The following ADAM2 variants were observed in gnomAD, a reference collection of about 807,000 sequenced individuals.
The protein encoded by ADAM2 is disintegrin and metalloproteinase domain-containing protein 2.
In ADAM2, 101 loss-of-function variants were observed where a neutral mutation model predicts 99.3. That is an observed-to-expected ratio of 1.02 (90% CI 0.87 to 1.20). ADAM2 has a LOEUF of 1.20. Ranked by LOEUF, ADAM2 falls within the 50% of genes most tolerant of loss-of-function variation. ADAM2 has a pLI of 0.00. For missense variants in ADAM2, 948 were observed against 878.7 expected, an observed-to-expected ratio of 1.08 and a Z score of -1.00; for synonymous variants, 323 against 287.6, an observed-to-expected ratio of 1.12 and a Z score of -1.25.
rs181164248 is a variant in ADAM2 at position 39,811,555 on chromosome 8, A to G, written c.514-2089T>C. ...AAAATACTGGCAAACCGAATCCAGC[A>G]GCACATCAAAAAGCTTATCCACCAC... On this transcript the variant is annotated intron_variant, in intron 6 of 20. Coordinates refer to ENST00000265708, the MANE Select transcript of ADAM2 (RefSeq NM_001464.5). Among the ~76,000 whole-genome samples the G allele has an allele frequency of 3.9e-3, 598 of 152,346 alleles. 1 individual carries two copies. Among genetic ancestry groups the G allele is most frequent in the Non-Finnish European group, 6.8e-3 (465 of 68,024 alleles).
intron 3 of ADAM2, among the ~76,000 whole-genome samples, chr8:39,829,442 A>G (rs1015570384): frequency 1.3e-5 from 2 of 152,022 alleles, no homozygotes; most frequent in Admixed American, 1.3e-4. Context: ...ATACATATTA[A>G]ATTACTTACA....
intron 19 of ADAM2, among the ~76,000 whole-genome samples, chr8:39,745,748 C>T (rs1823415673): frequency 6.6e-6 from 1 of 151,784 alleles, no homozygotes; most frequent in African/African-American, 2.4e-5. Context: ...TTTCCTACTA[C>T]CTTTCATTAA....
At chr8:39,784,506 C>T (rs1045281520) in intron 10 of ADAM2, among the ~76,000 whole-genome samples, 2 of 152,126 alleles carry the variant, frequency 1.3e-5, no homozygotes, top group Admixed American at 1.3e-4. Context: ...TCAGTTAGGA[C>T]TACAGGGGCC....
At chr8:39,826,015 G>C (rs1380895215) in intron 3 of ADAM2, among the ~76,000 whole-genome samples, 1 of 152,146 alleles carries the variant, frequency 6.6e-6, no homozygotes, top group Non-Finnish European at 1.5e-5. Flanking sequence ...TCCAGTTCAT[G>C]AACATGCTTT....
At chr8:39,787,800 T>G (rs1462286014) in intron 9 of ADAM2, among the ~76,000 whole-genome samples, 1 of 151,704 alleles carries the variant, frequency 6.6e-6, no homozygotes, top group Non-Finnish European at 1.5e-5. Context: ...CAAATAGATA[T>G]TGTGAAAATT....
At chr8:39,752,929 T>C (rs1802004249) in intron 16 of ADAM2, among the ~76,000 whole-genome samples, 1 of 152,140 alleles carries the variant, frequency 6.6e-6, no homozygotes, top group African/African-American at 2.4e-5. Flanking sequence ...GTTTTCTATA[T>C]AAATTACCCA....
At chr8:39,811,966 T>C (rs10105410) in intron 6 of ADAM2, among the ~76,000 whole-genome samples, 15,351 of 152,200 alleles carry the variant, frequency 0.1, 832 homozygotes, top group African/African-American at 0.13. Context: ...CATATTCAAT[T>C]AGGAAGAGGG....
At chr8:39,829,788 C>T (rs924386626) in intron 3 of ADAM2, among the ~76,000 whole-genome samples, 4 of 151,786 alleles carry the variant, frequency 2.6e-5, no homozygotes, top group African/African-American at 9.7e-5. Context: ...GGATGCTATA[C>T]AGTAATAAAA....
chr8:39,753,713 C>T (rs1802043068), intron 16 of ADAM2, among the ~76,000 whole-genome samples: 1 of 152,106 alleles, frequency 6.6e-6, no homozygotes, highest in South Asian at 2.1e-4. Context: ...TACAGCACAG[C>T]CCACAGCTTT....
chr8:39,802,227 G>T (rs1438384057), intron 7 of ADAM2, among the ~76,000 whole-genome samples: 1 of 152,134 alleles, frequency 6.6e-6, no homozygotes, highest in Non-Finnish European at 1.5e-5. Flanking sequence ...GGGGGGAGGG[G>T]ATTCCCCTTC....
chr8:39,782,439 T>A (rs1317052260), intron 10 of ADAM2, among the ~76,000 whole-genome samples: 1 of 152,154 alleles, frequency 6.6e-6, no homozygotes, highest in East Asian at 1.9e-4. Context: ...TAGCCCCTCC[T>A]TTTGTATTAT....
intron 3 of ADAM2, among the ~76,000 whole-genome samples, chr8:39,830,901 CA>C (rs1221403244): frequency 6.6e-6 from 1 of 152,150 alleles, no homozygotes; most frequent in Non-Finnish European, 1.5e-5. Flanking sequence ...GATCAGGCCA[CA>C]AGGCTGGAAC....
At chr8:39,804,796 A>G (rs1804370563) in intron 7 of ADAM2, among the ~76,000 whole-genome samples, 1 of 152,210 alleles carries the variant, frequency 6.6e-6, no homozygotes, top group South Asian at 2.1e-4. Flanking sequence ...TTGGCTTCTG[A>G]ATGCATGGTA....
At chr8:39,801,593 G>A (rs146163775) in intron 7 of ADAM2, among the ~76,000 whole-genome samples, 236 of 152,240 alleles carry the variant, frequency 1.6e-3, no homozygotes, top group African/African-American at 5.4e-3. Context: ...TGGGCTGCTC[G>A]GATAACTCAG....
Position 39,744,910 on chromosome 8 carries a change from A to AAAAT in ADAM2, c.2175-21_2175-18dup. 1 of 1,578,598 alleles carries AAAAT rather than the reference A, an allele frequency of 6.3e-7. No individual in the cohort carries two copies. The highest frequency in any genetic ancestry group is 8.7e-7 in the Non-Finnish European group (1 of 1,154,100). On this transcript the variant is annotated splice_polypyrimidine_tract_variant and intron_variant, in intron 19 of 20. Transcript: ENST00000265708. Reference sequence around the variant, plus strand: ...TCAGGTTGCCTGCATATTAAAAATAAAAATAATATTATACTTTCTTCAAGA... The same window carrying AAAAT: ...TCAGGTTGCCTGCATATTAAAAATAAAAATAAATAATATTATACTTTCTTCAAGA...
chr8:39,777,935 G>A (rs952297735), intron 10 of ADAM2, among the ~76,000 whole-genome samples: 69 of 149,040 alleles, frequency 4.6e-4, no homozygotes, highest in Middle Eastern at 3.7e-3. Context: ...TTAATATTAC[G>A]GTAATAATGA....
chr8:39,833,254 A>G (rs1485434272), intron 3 of ADAM2, among the ~76,000 whole-genome samples: 1 of 152,162 alleles, frequency 6.6e-6, no homozygotes, highest in African/African-American at 2.4e-5. Flanking sequence ...TTATAAATAG[A>G]AAACATTTTC....
chr8:39,783,342 G>A (rs1423914293), intron 10 of ADAM2, among the ~76,000 whole-genome samples: 1 of 152,122 alleles, frequency 6.6e-6, no homozygotes, highest in South Asian at 2.1e-4. Context: ...ACATTGCTGA[G>A]GTAGGTTGTT....
chr8:39,744,529 C>T (rs905296112), intron 20 of ADAM2, among the ~76,000 whole-genome samples: 9 of 152,026 alleles, frequency 5.9e-5, no homozygotes, highest in Non-Finnish European at 1.2e-4. Flanking sequence ...CAAACACACA[C>T]AGGAACATAA....
Sources: gnomAD v4.1 joint callset for allele counts (sites outside exome capture counted in the v4.1 genomes callset) on GRCh38, gnomAD v4.1.1 for gene constraint, MANE v1.5 for transcripts, NCBI Gene and HGNC (gene_info 2026-07-23, HGNC 2026-07-21) for gene names.